SOX6: variants seen among roughly 807,000 people sequenced by gnomAD.
SOX6 encodes SRY-box transcription factor 6.
In SOX6, 11 loss-of-function variants were observed where a neutral mutation model predicts 97.8. The ratio of observed to expected loss-of-function variants is 0.11; its 90% CI spans 0.07 to 0.19. The LOEUF is 0.19. Among genes scored for constraint, SOX6 ranks in the 10% least tolerant of loss-of-function variants. The pLI, the probability that SOX6 is intolerant of heterozygous loss-of-function variation, is 1.00. For synonymous variants in SOX6, 360 were observed against 371.4 expected, an observed-to-expected ratio of 0.97 and a Z score of 0.35; for missense variants, 810 against 1,039.5, an observed-to-expected ratio of 0.78 and a Z score of 3.04.
At chr11:16,463,823 A>T (rs1365866703) in intron 1 of SOX6, among the ~76,000 whole-genome samples, 1 of 152,222 alleles carries the variant, frequency 6.6e-6, no homozygotes, top group Non-Finnish European at 1.5e-5. Flanking sequence ...ACCTTCTTTC[A>T]GGCATATTTG....
intron 5 of SOX6, among the ~76,000 whole-genome samples, chr11:16,184,258 A>T (rs754287288): frequency 2.6e-5 from 4 of 152,130 alleles, no homozygotes; most frequent in Non-Finnish European, 5.9e-5. Flanking sequence ...TAGAATAGAG[A>T]TAGAAAAATC....
At chr11:16,107,856 G>A (rs946129286) in intron 7 of SOX6, among the ~76,000 whole-genome samples, 1 of 151,970 alleles carries the variant, frequency 6.6e-6, no homozygotes, top group Non-Finnish European at 1.5e-5. Flanking sequence ...ATTGTTTTTG[G>A]TCGTTGAGCA....
At chr11:16,520,838 G>A (rs184215559) in intron 4 of SOX6, among the ~76,000 whole-genome samples, 13 of 152,350 alleles carry the variant, frequency 8.5e-5, no homozygotes, top group Non-Finnish European at 1.8e-4. Flanking sequence ...CCAGCACCTG[G>A]CTCAGAGGGT....
At chr11:16,133,612 T>C (rs1849877841) in intron 6 of SOX6, among the ~76,000 whole-genome samples, 1 of 152,206 alleles carries the variant, frequency 6.6e-6, no homozygotes, top group Admixed American at 6.6e-5. Context: ...GGACAGATAC[T>C]AATCTAATTT....
At chr11:16,540,300 A>C (rs1055270278) in intron 4 of SOX6, among the ~76,000 whole-genome samples, 3 of 152,182 alleles carry the variant, frequency 2.0e-5, no homozygotes, top group Non-Finnish European at 2.9e-5. Flanking sequence ...TCAATAAATT[A>C]GGTATTGATG....
intron 6 of SOX6, among the ~76,000 whole-genome samples, chr11:16,113,630 T>A (rs1195925593): frequency 6.6e-6 from 1 of 152,152 alleles, no homozygotes; most frequent in Admixed American, 6.5e-5. Context: ...CAAGAGTACA[T>A]CAAAGGAAAT....
intron 2 of SOX6, among the ~76,000 whole-genome samples, chr11:16,733,582 TG>T (rs1184721197): frequency 3.6e-5 from 1 of 27,588 alleles, no homozygotes; most frequent in Non-Finnish European, 7.0e-5. Flanking sequence ...CTGTTGGGGG[TG>T]GGGGGCTAGG....
At chr11:16,277,324 T>A (rs774722521) in intron 3 of SOX6, among the ~76,000 whole-genome samples, 1 of 151,996 alleles carries the variant, frequency 6.6e-6, no homozygotes, top group Non-Finnish European at 1.5e-5. Flanking sequence ...CACTCCACCA[T>A]GTGAGGATGC....
intron 4 of SOX6, among the ~76,000 whole-genome samples, chr11:16,497,604 A>C (rs2133138225): frequency 6.6e-6 from 1 of 152,294 alleles, no homozygotes; most frequent in Non-Finnish European, 1.5e-5. Flanking sequence ...AGAATAACCA[A>C]TGTACAGAAG....
chr11:16,263,174 A>G (rs1218804654), intron 3 of SOX6, among the ~76,000 whole-genome samples: 2 of 151,906 alleles, frequency 1.3e-5, no homozygotes, highest in Admixed American at 1.3e-4. Context: ...AATAATAACA[A>G]TGATGGTGAT....
intron 9 of SOX6, among the ~76,000 whole-genome samples, chr11:16,084,791 CTTTCTGTTTCACAGTGGGGTA>C (rs976282803): frequency 6.6e-6 from 1 of 152,122 alleles, no homozygotes; most frequent in African/African-American, 2.4e-5. Flanking sequence ...ATATAGTCAT[CTTTCTGTTTCACAGTGGGGTA>C]TGTCTGTATT....
chr11:16,426,824 G>C (rs895495517), intron 1 of SOX6, among the ~76,000 whole-genome samples: 1 of 139,528 alleles, frequency 7.2e-6, no homozygotes, highest in South Asian at 2.3e-4. Flanking sequence ...TGAGGCAGGA[G>C]AATGGCGTGA....
At chr11:16,475,451 T>C (rs1590217172) in intron 1 of SOX6, among the ~76,000 whole-genome samples, 1 of 152,160 alleles carries the variant, frequency 6.6e-6, no homozygotes, top group African/African-American at 2.4e-5. Flanking sequence ...GGGTTATTAA[T>C]TGGCCCAATT....
intron 6 of SOX6, among the ~76,000 whole-genome samples, chr11:16,133,356 G>A (rs1195636918): frequency 6.6e-6 from 1 of 152,180 alleles, no homozygotes; most frequent in Non-Finnish European, 1.5e-5. Context: ...TTTTGGGGTG[G>A]TAGGTGTATG....
intron 1 of SOX6, among the ~76,000 whole-genome samples, chr11:16,391,620 G>A (rs1345769469): frequency 6.6e-6 from 1 of 152,120 alleles, no homozygotes; most frequent in Non-Finnish European, 1.5e-5. Flanking sequence ...CACTAAGTCA[G>A]TCAACACCTT....
At chr11:16,113,944 A>G (rs937830395) in intron 6 of SOX6, among the ~76,000 whole-genome samples, 1 of 152,156 alleles carries the variant, frequency 6.6e-6, no homozygotes, top group Admixed American at 6.5e-5. Flanking sequence ...GGCTCAAAAG[A>G]AGAAATTTCA....
intron 3 of SOX6, among the ~76,000 whole-genome samples, chr11:16,293,373 G>C (rs1419531326): frequency 2.0e-5 from 3 of 152,126 alleles, no homozygotes; most frequent in Non-Finnish European, 4.4e-5. Context: ...AAAAGGCTTT[G>C]TTATTTATAG....
intron 1 of SOX6, among the ~76,000 whole-genome samples, chr11:16,397,817 T>C (rs1858402941): frequency 6.6e-6 from 1 of 151,568 alleles, no homozygotes; most frequent in Non-Finnish European, 1.5e-5. Flanking sequence ...AGATACAAGA[T>C]ACATGAAGAG....
At chr11:16,320,739 G>A (rs540690082) in intron 2 of SOX6, among the ~76,000 whole-genome samples, 2 of 152,188 alleles carry the variant, frequency 1.3e-5, no homozygotes, top group African/African-American at 4.8e-5. Context: ...CCATTGAATT[G>A]TATACATTAA....
Sources: gnomAD v4.1 joint callset for allele counts (sites outside exome capture counted in the v4.1 genomes callset) on GRCh38, gnomAD v4.1.1 for gene constraint, MANE v1.5 for transcripts, NCBI Gene and HGNC (gene_info 2026-07-23, HGNC 2026-07-21) for gene names.